GCLC: variants seen among roughly 807,000 people sequenced by gnomAD.
The protein encoded by GCLC is glutamate--cysteine ligase catalytic subunit.
GCLC carries 30 observed loss-of-function variants against 81.5 expected under a neutral mutation model. The observed-to-expected ratio is 0.37, with a 90% CI of 0.28 to 0.50. The LOEUF (loss-of-function observed/expected upper bound fraction) is 0.50, where lower values mean the gene tolerates loss of function less well. Ranked by LOEUF, GCLC falls within the 20% of genes least tolerant of loss-of-function variation. The pLI, the probability that GCLC is intolerant of heterozygous loss-of-function variation, is 0.96. For synonymous variants in GCLC, 262 were observed against 273.3 expected (o/e 0.96, Z 0.41); for missense variants, 556 against 777.4 (o/e 0.72, Z 3.39).
At chr6:53,505,255 T>C in intron 12 of GCLC, 137 bp downstream of exon 12, 1 of 669,286 alleles carries the variant, frequency 1.5e-6, no homozygotes, top group South Asian at 1.7e-5. Context: ...AAATAAAGAA[T>C]AGGGCTGATG....
intron 1 of GCLC, chr6:53,523,262 T>C (rs1763029432): frequency 6.6e-6 from 1 of 152,218 alleles, no homozygotes; most frequent in Admixed American, 6.5e-5. Context: ...TACTTTTGTT[T>C]TTCCTGAAGT....
intron 10 of GCLC, 42 bp from the exon 11 acceptor site, chr6:53,505,937 T>C (rs758643682): frequency 1.9e-5 from 20 of 1,071,868 alleles, no homozygotes; most frequent in Non-Finnish European, 2.8e-5. Context: ...TTTTCACACA[T>C]CCAGGAAAAT....
intron 1 of GCLC, among the ~76,000 whole-genome samples, chr6:53,532,345 T>C (rs1319887030): frequency 6.6e-6 from 1 of 152,242 alleles, no homozygotes; most frequent in Non-Finnish European, 1.5e-5. Context: ...GCTGAGATAC[T>C]AAATGACCGA....
At chr6:53,503,882 T>C (rs1003721149) in intron 12 of GCLC, among the ~76,000 whole-genome samples, 1 of 152,242 alleles carries the variant, frequency 6.6e-6, no homozygotes, top group African/African-American at 2.4e-5. Context: ...TTAATCTTCA[T>C]TTGGTCTTTT....
chr6:53,540,561 T>C (rs559990916), intron 1 of GCLC, among the ~76,000 whole-genome samples: 2 of 152,174 alleles, frequency 1.3e-5, no homozygotes, highest in East Asian at 1.9e-4. Flanking sequence ...TTATGCAAGA[T>C]AAACTAGTTC....
At chr6:53,499,720 T>A (rs1383992025) in intron 15 of GCLC, among the ~76,000 whole-genome samples, 1 of 152,178 alleles carries the variant, frequency 6.6e-6, no homozygotes, top group Non-Finnish European at 1.5e-5. Flanking sequence ...CAGAGTTCCT[T>A]AGCCCTATAA....
intron 12 of GCLC, among the ~76,000 whole-genome samples, chr6:53,502,242 T>C (rs1173475748): frequency 6.6e-6 from 1 of 152,222 alleles, no homozygotes; most frequent in Non-Finnish European, 1.5e-5. Context: ...AATTCCCCCA[T>C]GGCCTTTCCC....
In GCLC at chr6:53,520,897, G is replaced by A. The variant is rs1393250173; in HGVS notation, c.327C>T (p.Pro109=). 6.2e-7 allele frequency: 1 copy of A among 1,613,768 alleles called. No individual in the cohort carries two copies. Among genetic ancestry groups the A allele is most frequent in the African/African-American group, 1.3e-5 (1 of 74,930 alleles). ...SYMIEGTPGQ[P]YGGTMSEFNT... is the part of the protein sequence containing the mutation. The stretch of plus-strand genomic sequence containing the variant: ...TGAACTCGGACATTGTTCCTCCGTA[G>A]GGCTGTCCTGGTGTCCCTTCAATCA... The change falls in exon 3 of 16, where the codon CCC becomes CCT. Residue 109 remains proline (P), a synonymous_variant. Transcript: ENST00000650454.
chr6:53,514,248 A>G lies in GCLC; in HGVS notation c.709T>C (p.Tyr237His), dbSNP rs765147214. 6.2e-7 allele frequency: 1 copy of G among 1,613,828 alleles called. No homozygotes were observed. Among genetic ancestry groups the G allele is most frequent in the South Asian group, 1.1e-5 (1 of 91,078 alleles). The change falls in exon 6 of 16, where the codon TAC becomes CAC. Residue 237 changes from tyrosine to histidine, a missense_variant. Physicochemically the swap from Tyr to His is moderately conservative, Grantham distance 83. Around this residue, in one of 3 missense-constraint regions of GCLC, gnomAD observed 234 missense variants for 303.8 expected, o/e 0.77. Coordinates refer to ENST00000650454, the MANE Select transcript of GCLC (RefSeq NM_001498.4). ...ATTCCAAATCCCATGGCATCCATGTAAATATGATCCGGCTTAGAAGCCCTT... is the reference window on the plus strand; with the variant it reads ...ATTCCAAATCCCATGGCATCCATGTGAATATGATCCGGCTTAGAAGCCCTT... The part of the protein sequence containing the change: ...ASRASKPDHI[Y>H]MDAMGFGMGN...
chr6:53,540,072 A>AC (rs1445105841), intron 1 of GCLC, among the ~76,000 whole-genome samples: 1 of 152,210 alleles, frequency 6.6e-6, no homozygotes, highest in African/African-American at 2.4e-5. Flanking sequence ...GCACAAGCCT[A>AC]CCCTTCACAC....
chr6:53,527,269 C>T (rs973487805), intron 1 of GCLC, among the ~76,000 whole-genome samples: 4 of 152,206 alleles, frequency 2.6e-5, no homozygotes, highest in African/African-American at 4.8e-5. Context: ...ATCTGGGGTT[C>T]AGGGCCAGCT....
intron 1 of GCLC, among the ~76,000 whole-genome samples, chr6:53,526,822 T>C: frequency 6.6e-6 from 1 of 151,614 alleles, no homozygotes; most frequent in Middle Eastern, 3.4e-3. Flanking sequence ...AAAAAACAAT[T>C]TGAGGAATGG....
At chr6:53,511,980 GCT>G (rs1158531467) in intron 6 of GCLC, among the ~76,000 whole-genome samples, 2 of 124,788 alleles carry the variant, frequency 1.6e-5, no homozygotes, top group Non-Finnish European at 3.3e-5. Context: ...ACAAAGACTT[GCT>G]CTGTTCCCCA....
chr6:53,544,597 G>T lies in GCLC; in HGVS notation c.49C>A (p.Arg17Ser), dbSNP rs1244190981. ...GSPLSWEETK[R>S]HADHVRRHGI... Reference sequence around the variant, plus strand: ...TGCCGCCGCACGTGGTCGGCATGGCGCTTGGTTTCCTCCCAGCTCAGCGGC... The same window carrying T: ...TGCCGCCGCACGTGGTCGGCATGGCTCTTGGTTTCCTCCCAGCTCAGCGGC... The change falls in exon 1 of 16, where the codon CGC becomes AGC. Residue 17 changes from arginine (R) to serine (S), a missense_variant. Arg to Ser is a moderately radical substitution (Grantham distance 110, BLOSUM62 -1). Transcript: ENST00000650454. 2 of 1,604,388 alleles carry T rather than the reference G, an allele frequency of 1.2e-6. No homozygotes were observed. The highest frequency in any genetic ancestry group is 1.7e-6 in the Non-Finnish European group (2 of 1,179,568).
Position 53,545,009 on chromosome 6 carries a change from C to T in GCLC, c.-364G>A, listed in dbSNP as rs1561956082. ...CGCGGCGGCTCCCGCTTCTCTTTGC[C>T]GGTCTGGTGCACTGGCTTCTTCCTA... On this transcript the variant is annotated 5_prime_UTR_variant, in exon 1 of 16. Coordinates refer to ENST00000650454, the MANE Select transcript of GCLC (RefSeq NM_001498.4). 1.2e-5 allele frequency: 2 copies of T among 173,600 alleles called. No individual in the cohort carries two copies. The highest frequency in any genetic ancestry group is 6.4e-5 in the Admixed American group (1 of 15,730). The allele number at this position is 173,600 out of a possible 1,614,324, so 10.8% of individuals were successfully genotyped here. A position where few individuals can be genotyped will look rare whatever the true frequency, so the allele number is the denominator to read the frequency against.
At chr6:53,541,072 G>A (rs956862087) in intron 1 of GCLC, among the ~76,000 whole-genome samples, 14 of 152,088 alleles carry the variant, frequency 9.2e-5, no homozygotes, top group African/African-American at 3.1e-4. Context: ...AAAATTAGCC[G>A]GGCATGGTGT....
rs530282197 is a variant in GCLC at position 53,521,228 on chromosome 6, T to C, written c.264-268A>G. ...GGAGTGCAATGGCACGATCTTGGCT[T>C]ACTGCAACCTCTGCCTCCCAGGTCC... On this transcript the variant is annotated intron_variant, in intron 2 of 15. Transcript: ENST00000650454. 1.4e-4 allele frequency among the ~76,000 whole-genome samples: 22 copies of C among 152,232 alleles called. No individual in the cohort carries two copies. In the East Asian group the frequency reaches 3.5e-3, roughly 24 times the overall value.
At chr6:53,499,924 TA>T in intron 15 of GCLC, 120 bp downstream of exon 15, 1 of 751,406 alleles carries the variant, frequency 1.3e-6, no homozygotes. Context: ...TGCAGAAATA[TA>T]AAAATGTGAA....
chr6:53,518,655 C>T (rs1024067283), intron 3 of GCLC, among the ~76,000 whole-genome samples: 2 of 152,178 alleles, frequency 1.3e-5, no homozygotes, highest in Non-Finnish European at 2.9e-5. Flanking sequence ...CAGAAGGAAA[C>T]ACCACTGCCC....
Sources: allele counts gnomAD v4.1 joint callset (sites outside exome capture counted in the v4.1 genomes callset), GRCh38; gene constraint gnomAD v4.1.1; regional missense constraint gnomAD v4.1.1; transcripts MANE v1.5; gene names NCBI Gene and HGNC (gene_info 2026-07-23, HGNC 2026-07-21).